The following CAMK1D variants were observed in gnomAD, a reference collection of about 807,000 sequenced individuals.
CAMK1D encodes calcium/calmodulin-dependent protein kinase type 1D.
A neutral mutation model predicts 47.7 loss-of-function variants in CAMK1D; 9 were observed. The ratio of observed to expected loss-of-function variants is 0.19; its 90% CI spans 0.11 to 0.33. CAMK1D has a LOEUF of 0.33. Ranked by LOEUF, CAMK1D falls within the 10% of genes least tolerant of loss-of-function variation. The pLI is 1.00. For synonymous variants in CAMK1D, 184 were observed against 184.9 expected (o/e 0.99, Z 0.04); for missense variants, 291 against 488.7 (o/e 0.60, Z 3.81).
chr10:12,383,196 A>G lies in CAMK1D; in HGVS notation c.92+33286A>G, dbSNP rs553038439. On this transcript the variant is annotated intron_variant, in intron 1 of 10. Coordinates refer to ENST00000619168, the MANE Select transcript of CAMK1D (RefSeq NM_153498.4). ...TTGGTACTAAATAATTAAATTAGCT[A>G]AGTGTCAAATCCCTCTTTGTTTTAG... is the stretch of plus-strand genomic sequence containing the variant. Among the ~76,000 whole-genome samples, 58 of 152,308 alleles carry G rather than the reference A, an allele frequency of 3.8e-4. No individual in the cohort carries two copies. In the Middle Eastern group the frequency reaches 0.01, roughly 27 times the overall value.
chr10:12,750,244 C>T (rs1835884381), intron 3 of CAMK1D, among the ~76,000 whole-genome samples: 1 of 152,218 alleles, frequency 6.6e-6, no homozygotes, highest in Non-Finnish European at 1.5e-5. Context: ...ACAGTTTGGG[C>T]TGTGACATTG....
chr10:12,630,373 C>CT (rs57333952), intron 2 of CAMK1D, among the ~76,000 whole-genome samples: 2,974 of 93,636 alleles, frequency 0.032, 45 homozygotes, highest in East Asian at 0.069. Context: ...CTTTTTCTTT[C>CT]TTTTTTTTTT....
chr10:12,376,417 G>C (rs1226482584), intron 1 of CAMK1D, among the ~76,000 whole-genome samples: 1 of 152,140 alleles, frequency 6.6e-6, no homozygotes, highest in African/African-American at 2.4e-5. Context: ...TGTGCTGACC[G>C]AGATGGAACA....
intron 1 of CAMK1D, among the ~76,000 whole-genome samples, chr10:12,428,995 T>C (rs1289966183): frequency 1.3e-5 from 2 of 152,204 alleles, no homozygotes; most frequent in Non-Finnish European, 1.5e-5. Flanking sequence ...ATGTGTGGTT[T>C]ATGAGCCACC....
rs573851584 is a variant in CAMK1D at position 12,789,355 on chromosome 10, C to G, written c.566-1803C>G. Among the ~76,000 whole-genome samples, 3 of 152,328 alleles carry G rather than the reference C, an allele frequency of 2.0e-5. No individual in the cohort carries two copies. In the East Asian group the frequency reaches 5.8e-4, roughly 29 times the overall value. On this transcript the variant is annotated intron_variant, in intron 5 of 10. Coordinates refer to ENST00000619168, the MANE Select transcript of CAMK1D (RefSeq NM_153498.4). ...CATGTAAACCTAGACTGAAGACGCT[C>G]TCACCTTAGCAAACAGTACGTTTGA...
At chr10:12,615,798 T>TCTA (rs1491158481) in intron 2 of CAMK1D, among the ~76,000 whole-genome samples, 1 of 150,976 alleles carries the variant, frequency 6.6e-6, no homozygotes, top group Non-Finnish European at 1.5e-5. Context: ...TGTGTAGGTA[T>TCTA]GTGTTGTGTG....
intron 5 of CAMK1D, among the ~76,000 whole-genome samples, chr10:12,771,774 C>T (rs1837050343): frequency 1.3e-5 from 2 of 152,340 alleles, no homozygotes; most frequent in South Asian, 4.1e-4. Flanking sequence ...TGGCTCACGC[C>T]TGTAATCCCA....
chr10:12,700,641 T>C (rs929619692), intron 3 of CAMK1D, among the ~76,000 whole-genome samples: 1 of 152,070 alleles, frequency 6.6e-6, no homozygotes, highest in South Asian at 2.1e-4. Context: ...AAAGCAAACA[T>C]ATATGAAAGA....
At chr10:12,575,608 G>T (rs533673471) in intron 2 of CAMK1D, among the ~76,000 whole-genome samples, 1 of 152,174 alleles carries the variant, frequency 6.6e-6, no homozygotes, top group African/African-American at 2.4e-5. Flanking sequence ...GAAAATGGTA[G>T]CACTTCCACT....
chr10:12,702,482 T>C (rs1046570836), intron 3 of CAMK1D, among the ~76,000 whole-genome samples: 73 of 152,278 alleles, frequency 4.8e-4, no homozygotes, highest in African/African-American at 1.6e-3. Context: ...AGACACTCGA[T>C]AAAGGCACAC....
At chr10:12,469,691 A>G (rs1372780775) in intron 1 of CAMK1D, among the ~76,000 whole-genome samples, 2 of 152,260 alleles carry the variant, frequency 1.3e-5, no homozygotes, top group African/African-American at 4.8e-5. Flanking sequence ...TAAGCTTTTA[A>G]GAATCCAATT....
At chr10:12,752,151 CTT>C (rs1479378265) in intron 3 of CAMK1D, among the ~76,000 whole-genome samples, 1 of 151,924 alleles carries the variant, frequency 6.6e-6, no homozygotes, top group Non-Finnish European at 1.5e-5. Context: ...GCCTGGCTAA[CTT>C]TTGTATTTTT....
intron 3 of CAMK1D, among the ~76,000 whole-genome samples, chr10:12,700,482 C>T (rs112848324): frequency 0.017 from 2,565 of 152,204 alleles, 53 homozygotes; most frequent in African/African-American, 0.058. Flanking sequence ...CCTCCCACCA[C>T]ATGTGGGAAT....
intron 3 of CAMK1D, among the ~76,000 whole-genome samples, chr10:12,697,385 T>G (rs1294180486): frequency 6.6e-6 from 1 of 152,134 alleles, no homozygotes; most frequent in Non-Finnish European, 1.5e-5. Flanking sequence ...CGTCGCTAAG[T>G]ATTTTGAGAA....
intron 5 of CAMK1D, among the ~76,000 whole-genome samples, chr10:12,784,345 C>G (rs1268402601): frequency 1.3e-5 from 2 of 151,946 alleles, no homozygotes; most frequent in African/African-American, 2.4e-5. Flanking sequence ...TTACAGGCAT[C>G]CACCACCGCG....
chr10:12,457,243 T>C (rs1833278178), intron 1 of CAMK1D, among the ~76,000 whole-genome samples: 1 of 151,916 alleles, frequency 6.6e-6, no homozygotes, highest in Admixed American at 6.6e-5. Flanking sequence ...ACACAAAAAT[T>C]AGCTGGGAGT....
chr10:12,580,454 G>A (rs1218632033), intron 2 of CAMK1D, among the ~76,000 whole-genome samples: 5 of 149,282 alleles, frequency 3.3e-5, no homozygotes, highest in African/African-American at 9.9e-5. Flanking sequence ...CTCTGCAATT[G>A]TTGAATTAGC....
At position 12,452,752 on chromosome 10, in the gene CAMK1D, A is replaced by AT. The variant is rs1307484007; in HGVS notation, c.93-100466dup. On this transcript the variant is annotated intron_variant, in intron 1 of 10. Transcript: ENST00000619168. Reference sequence around the variant, plus strand: ...AGGTATGCACCACTATGCCTGGCTAATTTTTTTATTTTTAGTATAGACGGG... The same window carrying AT: ...AGGTATGCACCACTATGCCTGGCTAATTTTTTTTATTTTTAGTATAGACGGG... Among the ~76,000 whole-genome samples the AT allele has an allele frequency of 2.6e-5, 4 of 152,004 alleles. No homozygotes were observed. In the East Asian group the frequency reaches 7.8e-4, roughly 29 times the overall value.
intron 1 of CAMK1D, among the ~76,000 whole-genome samples, chr10:12,362,695 A>G (rs1837709720): frequency 6.6e-6 from 1 of 152,054 alleles, no homozygotes; most frequent in African/African-American, 2.4e-5. Context: ...TATTTTTAGT[A>G]GAGACCCGGT....
Sources: allele counts gnomAD v4.1 joint callset (sites outside exome capture counted in the v4.1 genomes callset), GRCh38; gene constraint gnomAD v4.1.1; transcripts MANE v1.5; gene names NCBI Gene and HGNC (gene_info 2026-07-23, HGNC 2026-07-21).